The following DNAH12 variants were observed in gnomAD, a reference collection of about 807,000 sequenced individuals.
DNAH12 encodes axonemal beta dynein heavy chain 12.
A neutral mutation model predicts 371.5 loss-of-function variants in DNAH12; 285 were observed. The observed-to-expected ratio is 0.77, with a 90% CI of 0.70 to 0.85. The LOEUF (loss-of-function observed/expected upper bound fraction) is 0.85, where lower values mean the gene tolerates loss of function less well. Ranked by LOEUF, DNAH12 falls within the 40% of genes least tolerant of loss-of-function variation. The probability of loss-of-function intolerance (pLI) is 0.00; values close to 1 mark genes in which losing one functional copy is unlikely to be tolerated. For missense variants in DNAH12, 3,611 were observed against 3,689.4 expected, an observed-to-expected ratio of 0.98 and a Z score of 0.55; for synonymous variants, 1,200 against 1,213.0, an observed-to-expected ratio of 0.99 and a Z score of 0.22.
At chr3:57,551,939 T>C in the DNAH12 span, among the ~76,000 whole-genome samples, 1 of 151,678 alleles carries the variant, frequency 6.6e-6, no homozygotes, top group Non-Finnish European at 1.5e-5. Flanking sequence ...TTACTTTTTT[T>C]TTTTTTTAAG....
At chr3:57,523,258 A>G (rs573776431) in intron 4 of DNAH12, among the ~76,000 whole-genome samples, 8 of 152,036 alleles carry the variant, frequency 5.3e-5, no homozygotes, top group African/African-American at 1.9e-4. Context: ...GTGGCATGTG[A>G]TTGCAGTCCC....
At chr3:57,339,875 A>G (rs1274279048) in intron 60 of DNAH12, among the ~76,000 whole-genome samples, 5 of 152,070 alleles carry the variant, frequency 3.3e-5, no homozygotes, top group African/African-American at 1.2e-4. Context: ...TTCAAGACCA[A>G]CCTGGGCAAC....
At chr3:57,476,443 A>T (rs1324024854) in intron 13 of DNAH12, among the ~76,000 whole-genome samples, 1 of 152,104 alleles carries the variant, frequency 6.6e-6, no homozygotes, top group East Asian at 1.9e-4. Context: ...GGGTGCCTGT[A>T]CTCCCAGCTA....
In DNAH12 at chr3:57,322,356, C is replaced by A. The variant is rs573802247; in HGVS notation, c.10511G>T (p.Arg3504Leu). 7 of 1,550,872 alleles carry A rather than the reference C, an allele frequency of 4.5e-6. No homozygotes were observed. The African/African-American group carries it at 5.5e-5, about 12-fold the overall frequency. Residue 3504 changes from arginine to leucine, a missense_variant, in exon 65 of 74, where the codon CGT becomes CTT. Around this residue, in one of 3 missense-constraint regions of DNAH12, gnomAD observed 2,266 missense variants for 2,236.9 expected, o/e 1.01. Coordinates refer to ENST00000495027, the MANE Select transcript of DNAH12 (RefSeq NM_001366028.2). The part of the protein sequence containing the change: ...VSDPEFFKGC[R>L]GKELAWEKLL... Reference sequence around the variant, plus strand: ...GATGAATATTACCAGTTCCTTTCCACGGCATCCCTTGAAAAACTCAGGATC... The same window carrying A: ...GATGAATATTACCAGTTCCTTTCCAAGGCATCCCTTGAAAAACTCAGGATC...
chr3:57,323,988 C>G (rs1403525376), intron 62 of DNAH12, among the ~76,000 whole-genome samples: 2 of 152,170 alleles, frequency 1.3e-5, no homozygotes, highest in African/African-American at 4.8e-5. Flanking sequence ...GGTAATGTGG[C>G]CATGTGACTA....
chr3:57,296,324 T>C lies in DNAH12; in HGVS notation c.11624+20A>G. ...GATTCAGCTACAAATGAAGAGGTCC[T>C]GGCAGCTGAATCCACTGACCTTTCT... is the stretch of plus-strand genomic sequence containing the variant. On this transcript the variant is annotated intron_variant, in intron 72 of 73. Coordinates refer to ENST00000495027, the MANE Select transcript of DNAH12 (RefSeq NM_001366028.2). The C allele has an allele frequency of 6.5e-7, 1 of 1,529,784 alleles. No homozygotes were observed. The highest frequency in any genetic ancestry group is 8.9e-7 in the Non-Finnish European group (1 of 1,129,724). The allele number at this position is 1,529,784 out of a possible 1,614,324, so 94.8% of individuals were successfully genotyped here.
intron 65 of DNAH12, among the ~76,000 whole-genome samples, chr3:57,317,809 T>C (rs2061719214): frequency 6.6e-6 from 1 of 152,174 alleles, no homozygotes; most frequent in African/African-American, 2.4e-5. Context: ...GGCTCCAATT[T>C]TGTCCTTGCT....
intron 65 of DNAH12, among the ~76,000 whole-genome samples, chr3:57,317,318 A>C (rs529564963): frequency 6.6e-6 from 1 of 152,260 alleles, no homozygotes; most frequent in Non-Finnish European, 1.5e-5. Flanking sequence ...TGTACAGCTA[A>C]TCTCCAGAAT....
At chr3:57,434,123 A>G (rs556138929) in intron 30 of DNAH12, among the ~76,000 whole-genome samples, 1 of 152,238 alleles carries the variant, frequency 6.6e-6, no homozygotes, top group East Asian at 1.9e-4. Flanking sequence ...CCCACTAAGG[A>G]GAGAACTGGG....
At chr3:57,327,561 T>C (rs1471633221) in intron 62 of DNAH12, among the ~76,000 whole-genome samples, 2 of 150,536 alleles carry the variant, frequency 1.3e-5, no homozygotes, top group African/African-American at 4.9e-5. Flanking sequence ...TTCAAAGCAG[T>C]GTGTAAAGGG....
At chr3:57,340,993 A>T (rs1410625789) in intron 60 of DNAH12, among the ~76,000 whole-genome samples, 1 of 152,232 alleles carries the variant, frequency 6.6e-6, no homozygotes, top group African/African-American at 2.4e-5. Context: ...CAACCTACAC[A>T]AATAATGTGA....
At chr3:57,428,554 C>T (rs2064855093) in intron 34 of DNAH12, 79 bp downstream of exon 34, 7 of 1,513,094 alleles carry the variant, frequency 4.6e-6, no homozygotes, top group South Asian at 3.9e-5. Flanking sequence ...ATTCATTCTA[C>T]CAACCACTGT....
rs974396803 is a variant in DNAH12 at position 57,301,810 on chromosome 3, G to C, written c.11319C>G (p.Ala3773=). 3.2e-6 allele frequency: 5 copies of C among 1,551,270 alleles called. No individual in the cohort carries two copies. Among genetic ancestry groups the C allele is most frequent in the Non-Finnish European group, 4.4e-6 (5 of 1,146,962 alleles). The change falls in exon 70 of 74, where the codon GCC becomes GCG. Residue 3773 remains alanine, a synonymous_variant. Coordinates refer to ENST00000495027, the MANE Select transcript of DNAH12 (RefSeq NM_001366028.2). ...GCTTAAGGCTTGGGTATGAACGTTT[G>C]GCCCATATTTCTGGAACCTTTCCAA... The part of the protein sequence containing the change: ...LLVGKVPEIW[A]KRSYPSLKPL...
intron 4 of DNAH12, among the ~76,000 whole-genome samples, chr3:57,512,033 T>A (rs1173941121): frequency 4.6e-5 from 7 of 151,570 alleles, no homozygotes; most frequent in Non-Finnish European, 1.0e-4. Flanking sequence ...AAATACTAGA[T>A]ACAAAAAAGG....
At chr3:57,496,197 C>A (rs557190181) in intron 11 of DNAH12, among the ~76,000 whole-genome samples, 24 of 152,000 alleles carry the variant, frequency 1.6e-4, no homozygotes, top group African/African-American at 5.3e-4. Context: ...ATAGCCCCAA[C>A]TGACAGCTTG....
At chr3:57,449,804 G>C (rs373876601) in intron 25 of DNAH12, among the ~76,000 whole-genome samples, 6 of 152,206 alleles carry the variant, frequency 3.9e-5, no homozygotes, top group African/African-American at 1.4e-4. Flanking sequence ...ACAGTGCAGC[G>C]GCGGGCCGAA....
intron 64 of DNAH12, 77 bp downstream of exon 64, chr3:57,322,930 A>C: frequency 1.3e-6 from 2 of 1,493,966 alleles, no homozygotes; most frequent in Non-Finnish European, 1.8e-6. Context: ...ACTCCGTCTC[A>C]AAACAAACAA....
chr3:57,305,984 G>A (rs2061461657), intron 69 of DNAH12, among the ~76,000 whole-genome samples: 1 of 152,212 alleles, frequency 6.6e-6, no homozygotes, highest in Non-Finnish European at 1.5e-5. Flanking sequence ...ACTGGGCCAA[G>A]AAATGCCCGC....
At chr3:57,371,965 A>AAAAAAAAAAAAT (rs1366790985) in intron 55 of DNAH12, among the ~76,000 whole-genome samples, 89 of 142,572 alleles carry the variant, frequency 6.2e-4, no homozygotes, top group African/African-American at 2.3e-3. Flanking sequence ...AAAAAAAAAA[A>AAAAAAAAAAAAT]TTCTTTCAAA....
Sources: allele counts gnomAD v4.1 joint callset (sites outside exome capture counted in the v4.1 genomes callset), GRCh38; gene constraint gnomAD v4.1.1; regional missense constraint gnomAD v4.1.1; transcripts MANE v1.5; gene names NCBI Gene and HGNC (gene_info 2026-07-23, HGNC 2026-07-21).